OSBPL9: variants seen among roughly 807,000 people sequenced by gnomAD.
OSBPL9 encodes oxysterol-binding protein-related protein 9.
A neutral mutation model predicts 106.6 loss-of-function variants in OSBPL9; 40 were observed. The observed-to-expected ratio is 0.38, with a 90% CI of 0.29 to 0.49. The LOEUF is 0.49. Among genes scored for constraint, OSBPL9 ranks in the 20% least tolerant of loss-of-function variants. The probability of loss-of-function intolerance (pLI) is 0.97; values close to 1 mark genes in which losing one functional copy is unlikely to be tolerated. For synonymous variants in OSBPL9, 269 were observed against 295.4 expected (o/e 0.91, Z 0.92); for missense variants, 609 against 887.2 (o/e 0.69, Z 3.98).
At chr1:51,616,952 C>T (rs1288982810), upstream of OSBPL9, 1 of 1,410,502 alleles carries the variant, frequency 7.1e-7, no homozygotes. Context: ...CAATAGGCGC[C>T]CTAAGAAAGC....
At chr1:51,651,478 C>T (rs1036572177) in intron 1 of OSBPL9, among the ~76,000 whole-genome samples, 3 of 152,082 alleles carry the variant, frequency 2.0e-5, no homozygotes, top group Admixed American at 1.3e-4. Context: ...TGGCGGGTGC[C>T]TGTAATCCCA....
chr1:51,739,837 A>T (rs1666499579), intron 4 of OSBPL9, among the ~76,000 whole-genome samples: 1 of 152,016 alleles, frequency 6.6e-6, no homozygotes, highest in Non-Finnish European at 1.5e-5. Context: ...TGTGCCTCAC[A>T]TAAAATCATG....
chr1:51,781,419 A>ATT lies in OSBPL9; in HGVS notation c.1428+84_1428+85insTT. 3 of 1,339,324 alleles carry ATT rather than the reference A, an allele frequency of 2.2e-6. No homozygotes were observed. The South Asian group carries it at 4.0e-5, about 18-fold the overall frequency. 83.0% of individuals were successfully genotyped at this position (1,339,324 alleles called of 1,614,324 possible). Reference sequence around the variant, plus strand: ...TTTAGGGGCAAATAATAATGATGAAAGCAATGATCAAAAGATGGTCACCAC... The same window carrying ATT: ...TTTAGGGGCAAATAATAATGATGAAATTGCAATGATCAAAAGATGGTCACCAC... On this transcript the variant is annotated intron_variant, in intron 16 of 23. Transcript: ENST00000428468.
chr1:51,635,015 C>T (rs536441203), intron 1 of OSBPL9, among the ~76,000 whole-genome samples: 30 of 152,262 alleles, frequency 2.0e-4, no homozygotes, highest in Middle Eastern at 3.4e-3. Flanking sequence ...GTGGGAATTA[C>T]GGGAGCTACA....
At chr1:51,559,504 G>A in the OSBPL9 span, among the ~76,000 whole-genome samples, 1 of 151,938 alleles carries the variant, frequency 6.6e-6, no homozygotes, top group South Asian at 2.1e-4. Flanking sequence ...TGGAGTTTTA[G>A]AAATGTAGTC....
intron 1 of OSBPL9, among the ~76,000 whole-genome samples, chr1:51,626,257 C>T (rs929666720): frequency 5.9e-5 from 9 of 152,050 alleles, no homozygotes; most frequent in African/African-American, 2.2e-4. Flanking sequence ...ATCTATTTTC[C>T]TCTTTATACT....
At chr1:51,526,312 G>A in the OSBPL9 span, among the ~76,000 whole-genome samples, 2 of 152,314 alleles carry the variant, frequency 1.3e-5, no homozygotes, top group East Asian at 1.9e-4. Flanking sequence ...AGAGCGAGAT[G>A]TCTGGTTAAA....
Position 51,787,710 on chromosome 1 carries a change from T to TA in OSBPL9, c.2137-4dup, listed in dbSNP as rs760563202. 2.5e-5 allele frequency: 41 copies of TA among 1,611,816 alleles called. No homozygotes were observed. The African/African-American group carries it at 4.9e-4, about 19-fold the overall frequency. Reference sequence around the variant, plus strand: ...GTAACTAAATTCTTCCTCTTTGTCTTACAGTTATTTCATGAAGATGGAGAA... The same window carrying TA: ...GTAACTAAATTCTTCCTCTTTGTCTTAACAGTTATTTCATGAAGATGGAGAA... On this transcript the variant is annotated splice_polypyrimidine_tract_variant and splice_region_variant and intron_variant, in intron 23 of 23. Transcript: ENST00000428468.
chr1:51,636,529 G>A (rs545111098), intron 1 of OSBPL9, among the ~76,000 whole-genome samples: 83 of 152,006 alleles, frequency 5.5e-4, no homozygotes, highest in African/African-American at 1.7e-3. Flanking sequence ...GTAGAGATGG[G>A]GTTTCACCAT....
At chr1:51,611,676 T>C (rs1372392201) in intron 2 of OSBPL9, among the ~76,000 whole-genome samples, 1 of 152,112 alleles carries the variant, frequency 6.6e-6, no homozygotes, top group African/African-American at 2.4e-5. Context: ...TTCTTCCTTT[T>C]TAAAAACAAA....
At chr1:51,742,972 T>G (rs570190126) in intron 4 of OSBPL9, among the ~76,000 whole-genome samples, 1 of 152,296 alleles carries the variant, frequency 6.6e-6, no homozygotes, top group South Asian at 2.1e-4. Context: ...TTGAATTAGG[T>G]GACTGCTGTA....
At chr1:51,611,035 C>T (rs1167127604) in intron 2 of OSBPL9, among the ~76,000 whole-genome samples, 2 of 152,064 alleles carry the variant, frequency 1.3e-5, no homozygotes, top group Admixed American at 6.6e-5. Flanking sequence ...GTTTAAAGCC[C>T]GAGGTAGCTG....
chr1:51,569,773 C>T, the OSBPL9 span: 1 of 152,232 alleles, frequency 6.6e-6, no homozygotes, highest in African/African-American at 2.4e-5. Context: ...AGCACAGAGT[C>T]TTCAGGCTTA....
At position 51,781,290 on chromosome 1, in the gene OSBPL9, T is replaced by G. The variant is rs765377027; in HGVS notation, c.1383T>G (p.Ile461Met). The G allele has an allele frequency of 6.2e-7, 1 of 1,614,172 alleles. No homozygotes were observed. Among genetic ancestry groups the G allele is most frequent in the South Asian group, 1.1e-5 (1 of 91,066 alleles). The change falls in exon 16 of 24, where the codon ATT becomes ATG. Residue 461 changes from isoleucine to methionine, a missense_variant. By Grantham distance (10) the Ile-to-Met change is conservative (BLOSUM62 1). Around this residue, in one of 5 missense-constraint regions of OSBPL9, gnomAD observed 356 missense variants for 505.8 expected, o/e 0.70. Transcript: ENST00000428468. ...KKPYNPILGE[I>M]FQCHWTLPND... is the part of the protein sequence containing the mutation. The stretch of plus-strand genomic sequence containing the variant: ...CATACAATCCCATTTTGGGCGAGAT[T>G]TTTCAGTGTCATTGGACATTACCAA...
intron 4 of OSBPL9, among the ~76,000 whole-genome samples, chr1:51,731,101 T>C (rs908266182): frequency 6.6e-6 from 1 of 151,028 alleles, no homozygotes; most frequent in Non-Finnish European, 1.5e-5. Context: ...TAAATAAAAA[T>C]ACCGTATTAC....
chr1:51,576,073 C>A (rs1384061461), upstream of OSBPL9, among the ~76,000 whole-genome samples: 1 of 152,204 alleles, frequency 6.6e-6, no homozygotes, highest in East Asian at 1.9e-4. Flanking sequence ...TAGGAGGGCT[C>A]CCATGTCACA....
the OSBPL9 span, among the ~76,000 whole-genome samples, chr1:51,556,531 A>C: frequency 6.6e-6 from 1 of 152,228 alleles, no homozygotes; most frequent in East Asian, 1.9e-4. Flanking sequence ...TAATGGGTAC[A>C]AAAACATAAT....
intron 2 of OSBPL9, among the ~76,000 whole-genome samples, chr1:51,605,833 T>C (rs1364943542): frequency 1.3e-5 from 2 of 151,896 alleles, no homozygotes; most frequent in Non-Finnish European, 2.9e-5. Context: ...ATACAAAAAT[T>C]AGCTGGGCGT....
chr1:51,710,954 GTCT>G (rs1250937616), intron 3 of OSBPL9, among the ~76,000 whole-genome samples: 3 of 151,612 alleles, frequency 2.0e-5, no homozygotes, highest in East Asian at 3.9e-4. Flanking sequence ...GCTCTCTTTT[GTCT>G]TCTTCTGGGG....
Sources: allele counts gnomAD v4.1 joint callset (sites outside exome capture counted in the v4.1 genomes callset), GRCh38; gene constraint gnomAD v4.1.1; regional missense constraint gnomAD v4.1.1; transcripts MANE v1.5; gene names NCBI Gene and HGNC (gene_info 2026-07-23, HGNC 2026-07-21).